TMTC2: variants seen among roughly 807,000 people sequenced by gnomAD.
TMTC2 encodes the protein transmembrane O-mannosyltransferase targeting cadherins 2.
Under a neutral mutation model 82.4 loss-of-function variants are expected in TMTC2, and 43 were observed. That is an observed-to-expected ratio of 0.52 (90% CI 0.41 to 0.67). The LOEUF (loss-of-function observed/expected upper bound fraction) is 0.67, where lower values mean the gene tolerates loss of function less well. Ranked by LOEUF, TMTC2 falls within the 30% of genes least tolerant of loss-of-function variation. The pLI is 0.00. For synonymous variants in TMTC2, 408 were observed against 381.9 expected, an observed-to-expected ratio of 1.07 and a Z score of -0.80; for missense variants, 919 against 1,012.4, an observed-to-expected ratio of 0.91 and a Z score of 1.25.
intron 3 of TMTC2, among the ~76,000 whole-genome samples, chr12:82,901,553 C>T (rs879646508): frequency 7.2e-5 from 11 of 151,776 alleles, no homozygotes; most frequent in South Asian, 2.1e-4. Context: ...CCACCCGCCT[C>T]GGCCTCCCAA....
intron 11 of TMTC2, among the ~76,000 whole-genome samples, chr12:83,092,459 A>G (rs1264460938): frequency 6.6e-6 from 1 of 152,194 alleles, no homozygotes; most frequent in South Asian, 2.1e-4. Context: ...GTCACGTTTC[A>G]TTGGTGAGAA....
At chr12:82,905,636 C>T (rs1874250737) in intron 3 of TMTC2, among the ~76,000 whole-genome samples, 1 of 152,072 alleles carries the variant, frequency 6.6e-6, no homozygotes. Flanking sequence ...ACAAACATTA[C>T]CTTTTTAGAT....
intron 4 of TMTC2, among the ~76,000 whole-genome samples, chr12:82,942,200 A>G (rs1039568272): frequency 6.6e-6 from 1 of 152,262 alleles, no homozygotes; most frequent in East Asian, 1.9e-4. Context: ...TGAATATGTT[A>G]CTTAAATGGA....
intron 2 of TMTC2, among the ~76,000 whole-genome samples, chr12:82,864,729 T>C (rs1028279543): frequency 2.0e-5 from 3 of 151,428 alleles, no homozygotes; most frequent in Non-Finnish European, 2.9e-5. Context: ...TCTTGATCTC[T>C]TGACCTTGTG....
Position 82,841,125 on chromosome 12 carries a change from A to G in TMTC2, c.84-15885A>G, listed in dbSNP as rs1412497695. Among the ~76,000 whole-genome samples, 3 of 152,110 alleles carry G rather than the reference A, an allele frequency of 2.0e-5. No homozygotes were observed. In the East Asian group the frequency reaches 5.8e-4, roughly 29 times the overall value. On this transcript the variant is annotated intron_variant, in intron 1 of 11. Coordinates refer to ENST00000321196, the MANE Select transcript of TMTC2 (RefSeq NM_152588.3). ...GGGACATGTTAGTGCTTCATAATTT[A>G]TCTGTTCATAACTGAGATCTGAAAA...
chr12:82,941,523 G>T (rs1037397581), intron 4 of TMTC2, among the ~76,000 whole-genome samples: 1 of 152,148 alleles, frequency 6.6e-6, no homozygotes, highest in African/African-American at 2.4e-5. Flanking sequence ...GTTCAAGTTT[G>T]CTGACCCCTT....
intron 1 of TMTC2, among the ~76,000 whole-genome samples, chr12:82,717,550 T>C (rs1873959651): frequency 6.6e-6 from 1 of 152,168 alleles, no homozygotes. Flanking sequence ...GTATTTTTTA[T>C]TTTTTGTACT....
chr12:82,801,352 T>C (rs1878987459), intron 1 of TMTC2, among the ~76,000 whole-genome samples: 1 of 152,120 alleles, frequency 6.6e-6, no homozygotes, highest in Non-Finnish European at 1.5e-5. Context: ...AAAGACAGTG[T>C]GGACCCAAAG....
intron 9 of TMTC2, among the ~76,000 whole-genome samples, chr12:83,038,596 T>G (rs1881763661): frequency 1.3e-5 from 2 of 152,162 alleles, no homozygotes; most frequent in African/African-American, 4.8e-5. Flanking sequence ...ATTATTTCCA[T>G]TTGATGAAAT....
chr12:82,959,656 A>G (rs1329473142), intron 4 of TMTC2, among the ~76,000 whole-genome samples: 1 of 152,036 alleles, frequency 6.6e-6, no homozygotes, highest in Non-Finnish European at 1.5e-5. Flanking sequence ...CCTTTTCACC[A>G]TATATAAAAA....
intron 1 of TMTC2, among the ~76,000 whole-genome samples, chr12:82,714,081 C>T (rs1439284634): frequency 6.6e-6 from 1 of 152,134 alleles, no homozygotes; most frequent in African/African-American, 2.4e-5. Context: ...TAAAGTTACA[C>T]ATTTAGAAAG....
At chr12:82,723,741 C>T (rs977504331) in intron 1 of TMTC2, among the ~76,000 whole-genome samples, 2 of 152,142 alleles carry the variant, frequency 1.3e-5, no homozygotes, top group African/African-American at 2.4e-5. Context: ...TTGGTATGCT[C>T]AACCTATATG....
At chr12:82,919,653 G>T (rs1338836113) in intron 3 of TMTC2, among the ~76,000 whole-genome samples, 1 of 152,170 alleles carries the variant, frequency 6.6e-6, no homozygotes, top group Admixed American at 6.5e-5. Flanking sequence ...CAGGCATAGG[G>T]TAGGCATTCT....
chr12:83,116,161 G>T (rs1884754953), intron 11 of TMTC2, among the ~76,000 whole-genome samples: 1 of 152,132 alleles, frequency 6.6e-6, no homozygotes, highest in Non-Finnish European at 1.5e-5. Flanking sequence ...ACTTATGAGT[G>T]AGACATATGA....
At chr12:82,710,537 A>G (rs1019107249) in intron 1 of TMTC2, among the ~76,000 whole-genome samples, 2 of 152,226 alleles carry the variant, frequency 1.3e-5, no homozygotes, top group African/African-American at 4.8e-5. Context: ...TACCTGTTGG[A>G]TACTTACGTG....
chr12:83,064,460 G>A lies in TMTC2; in HGVS notation c.2331+2629G>A, dbSNP rs545133538. On this transcript the variant is annotated intron_variant, in intron 11 of 11. Coordinates refer to ENST00000321196, the MANE Select transcript of TMTC2 (RefSeq NM_152588.3). Reference sequence around the variant, plus strand: ...CAATACTTTTTAAATGGATGGGATAGAATAAAATGTTCATATTTAACAGTA... The same window carrying A: ...CAATACTTTTTAAATGGATGGGATAAAATAAAATGTTCATATTTAACAGTA... Among the ~76,000 whole-genome samples, 5 of 151,980 alleles carry A rather than the reference G, an allele frequency of 3.3e-5. 1 individual carries two copies. Among genetic ancestry groups the A allele is most frequent in the African/African-American group, 1.2e-4 (5 of 41,494 alleles).
intron 1 of TMTC2, among the ~76,000 whole-genome samples, chr12:82,749,662 A>G (rs1194827399): frequency 6.6e-6 from 1 of 151,920 alleles, no homozygotes; most frequent in Non-Finnish European, 1.5e-5. Flanking sequence ...AGCAGTAGCA[A>G]TGCTAGTGCT....
chr12:82,920,555 C>T (rs573459841), intron 3 of TMTC2, among the ~76,000 whole-genome samples: 1 of 152,056 alleles, frequency 6.6e-6, no homozygotes, highest in Non-Finnish European at 1.5e-5. Context: ...TAAATGGATA[C>T]CTTTTAGAGG....
intron 11 of TMTC2, among the ~76,000 whole-genome samples, chr12:83,088,389 T>C (rs747824975): frequency 3.9e-5 from 6 of 152,206 alleles, no homozygotes; most frequent in Non-Finnish European, 5.9e-5. Flanking sequence ...CATTTACAAC[T>C]TTGCTAACTA....
Sources: allele counts gnomAD v4.1 joint callset (sites outside exome capture counted in the v4.1 genomes callset), GRCh38; gene constraint gnomAD v4.1.1; transcripts MANE v1.5; gene names NCBI Gene and HGNC (gene_info 2026-07-23, HGNC 2026-07-21).